Variants in NFKB1 observed in about 807,000 individuals in gnomAD.
NFKB1 encodes nuclear factor NF-kappa-B p105 subunit.
NFKB1 carries 9 observed loss-of-function variants against 105.1 expected under a neutral mutation model. The ratio of observed to expected loss-of-function variants is 0.09; its 90% CI spans 0.05 to 0.15. NFKB1 has a LOEUF of 0.15. Among genes scored for constraint, NFKB1 ranks in the 10% least tolerant of loss-of-function variants. The pLI is 1.00. For missense variants in NFKB1, 830 were observed against 1,203.7 expected (o/e 0.69, Z 4.59); for synonymous variants, 440 against 442.2 (o/e 1.00, Z 0.06).
At chr4:102,578,857 A>G (rs1382595618) in intron 7 of NFKB1, 24 bp from the exon 8 acceptor site, 2 of 1,606,800 alleles carry the variant, frequency 1.2e-6, no homozygotes, top group Non-Finnish European at 1.7e-6. Flanking sequence ...CTGGGCATGA[A>G]TGGACTGTGC....
chr4:102,531,026 T>C (rs1040362030), intron 3 of NFKB1, among the ~76,000 whole-genome samples: 6 of 152,172 alleles, frequency 3.9e-5, no homozygotes, highest in Non-Finnish European at 8.8e-5. Flanking sequence ...TGTGTGTTTC[T>C]TGGGAACTTT....
chr4:102,551,387 T>C (rs1220199459), intron 5 of NFKB1, among the ~76,000 whole-genome samples: 4 of 146,394 alleles, frequency 2.7e-5, no homozygotes, highest in South Asian at 2.1e-4. Context: ...CATGTGTGTG[T>C]GTGTGTGTGT....
chr4:102,579,938 T>C (rs1725190274), intron 8 of NFKB1, among the ~76,000 whole-genome samples: 1 of 151,026 alleles, frequency 6.6e-6, no homozygotes, highest in South Asian at 2.1e-4. Flanking sequence ...TACAGACTCA[T>C]ACCGCAGAAT....
intron 11 of NFKB1, among the ~76,000 whole-genome samples, chr4:102,585,927 A>G (rs1291530535): frequency 1.3e-5 from 2 of 152,196 alleles, no homozygotes; most frequent in African/African-American, 2.4e-5. Context: ...TCGGATGGAC[A>G]TGAAGGCCAA....
intron 6 of NFKB1, among the ~76,000 whole-genome samples, chr4:102,571,339 G>A (rs1724338800): frequency 6.6e-6 from 1 of 152,052 alleles, no homozygotes; most frequent in South Asian, 2.1e-4. Context: ...AATTCAAGAT[G>A]GATTAAAGAC....
At chr4:102,556,156 G>T (rs914868326) in intron 5 of NFKB1, among the ~76,000 whole-genome samples, 1 of 152,170 alleles carries the variant, frequency 6.6e-6, no homozygotes, top group African/African-American at 2.4e-5. Context: ...TTAGAAGGCA[G>T]CATTTGTATT....
Position 102,508,720 on chromosome 4 carries a change from G to A in NFKB1, c.-8+6932G>A, listed in dbSNP as rs190425108. Among the ~76,000 whole-genome samples the A allele has an allele frequency of 2.8e-4, 43 of 152,246 alleles. 1 individual carries two copies. The East Asian group carries it at 7.9e-3, about 28-fold the overall frequency. On this transcript the variant is annotated intron_variant, in intron 1 of 23. Coordinates refer to ENST00000226574, the MANE Select transcript of NFKB1 (RefSeq NM_003998.4). ...TTAAGCATCGTTTGTATATGTGTAT[G>A]TGATTTTAAACCTGAGTCTTTTGAA...
chr4:102,522,629 A>C (rs767975706), intron 1 of NFKB1, among the ~76,000 whole-genome samples: 4 of 152,208 alleles, frequency 2.6e-5, no homozygotes, highest in African/African-American at 9.6e-5. Flanking sequence ...GTTTACATTC[A>C]GAAGTCTGGA....
chr4:102,506,380 C>G (rs1195866248), intron 1 of NFKB1, among the ~76,000 whole-genome samples: 1 of 152,132 alleles, frequency 6.6e-6, no homozygotes. Context: ...TATGTTACCT[C>G]TAGAATTAAA....
chr4:102,584,563 ACT>A, intron 10 of NFKB1, 117 bp from the exon 11 acceptor site: 1 of 966,416 alleles, frequency 1.0e-6, no homozygotes, highest in Non-Finnish European at 1.5e-6. Flanking sequence ...TTTTTAGTAC[ACT>A]GTGTCTAAAC....
At chr4:102,574,867 G>C (rs1050461737) in intron 6 of NFKB1, among the ~76,000 whole-genome samples, 5 of 152,048 alleles carry the variant, frequency 3.3e-5, no homozygotes, top group Admixed American at 6.6e-5. Context: ...AAATTAATAA[G>C]GATGATGTTT....
chr4:102,515,104 A>G (rs868426836), intron 1 of NFKB1, among the ~76,000 whole-genome samples: 4 of 113,508 alleles, frequency 3.5e-5, no homozygotes, highest in African/African-American at 1.3e-4. Context: ...TATTATTATT[A>G]TTATTTTTTT....
intron 1 of NFKB1, chr4:102,511,066 A>G (rs1578702649): frequency 5.1e-6 from 3 of 592,900 alleles, no homozygotes; most frequent in Non-Finnish European, 7.3e-6. Flanking sequence ...CCATCTTCGT[A>G]TAGTGTGATT....
chr4:102,563,047 G>A (rs1723569386), intron 5 of NFKB1, among the ~76,000 whole-genome samples: 1 of 152,170 alleles, frequency 6.6e-6, no homozygotes, highest in Admixed American at 6.6e-5. Context: ...CTGATTCCTA[G>A]AAAATTATAG....
intron 5 of NFKB1, among the ~76,000 whole-genome samples, chr4:102,547,689 A>C (rs1722246097): frequency 6.6e-6 from 1 of 152,190 alleles, no homozygotes; most frequent in African/African-American, 2.4e-5. Context: ...ACACTACTAC[A>C]AATATTGAGT....
At chr4:102,541,030 C>G (rs1487878783) in intron 5 of NFKB1, among the ~76,000 whole-genome samples, 2 of 152,160 alleles carry the variant, frequency 1.3e-5, no homozygotes, top group African/African-American at 4.8e-5. Flanking sequence ...ATAGATACAT[C>G]TAAAGTTTCT....
chr4:102,585,313 A>G (rs932161018), intron 11 of NFKB1, among the ~76,000 whole-genome samples: 1 of 152,220 alleles, frequency 6.6e-6, no homozygotes, highest in Non-Finnish European at 1.5e-5. Context: ...AGACAGTAGT[A>G]TATTATTTTG....
intron 1 of NFKB1, among the ~76,000 whole-genome samples, chr4:102,519,883 C>G (rs1370027089): frequency 2.0e-5 from 3 of 152,154 alleles, no homozygotes; most frequent in African/African-American, 7.2e-5. Flanking sequence ...ATGTGAAGTT[C>G]TAGCTACAGT....
intron 6 of NFKB1, among the ~76,000 whole-genome samples, chr4:102,571,179 G>A (rs549236824): frequency 2.0e-5 from 3 of 152,022 alleles, no homozygotes; most frequent in South Asian, 2.1e-4. Flanking sequence ...AAATAATACC[G>A]TACATCTACA....
Sources: gnomAD v4.1 joint callset for allele counts (sites outside exome capture counted in the v4.1 genomes callset) on GRCh38, gnomAD v4.1.1 for gene constraint, MANE v1.5 for transcripts, NCBI Gene and HGNC (gene_info 2026-07-23, HGNC 2026-07-21) for gene names.